EXOC4: variants seen among roughly 807,000 people sequenced by gnomAD.
EXOC4 encodes SEC8-like 1.
A neutral mutation model predicts 107.2 loss-of-function variants in EXOC4; 71 were observed. The observed-to-expected ratio is 0.66, with a 90% CI of 0.55 to 0.81. EXOC4 has a LOEUF of 0.81. Among genes scored for constraint, EXOC4 ranks in the 30% least tolerant of loss-of-function variants. EXOC4 has a pLI of 0.00. For missense variants in EXOC4, 1,108 were observed against 1,189.6 expected (o/e 0.93, Z 1.01); for synonymous variants, 456 against 441.2 (o/e 1.03, Z -0.42).
At chr7:133,640,400 A>G (rs776548254) in intron 10 of EXOC4, among the ~76,000 whole-genome samples, 13 of 152,192 alleles carry the variant, frequency 8.5e-5, no homozygotes, top group Non-Finnish European at 1.9e-4. Flanking sequence ...TCAGTATACT[A>G]CTGAAATGAG....
At chr7:133,841,747 A>G (rs1467907696) in intron 11 of EXOC4, among the ~76,000 whole-genome samples, 2 of 152,148 alleles carry the variant, frequency 1.3e-5, no homozygotes, top group Non-Finnish European at 2.9e-5. Flanking sequence ...TGATATACAG[A>G]TTATTTCATC....
chr7:133,421,493 G>T (rs1376557180), intron 7 of EXOC4, among the ~76,000 whole-genome samples: 1 of 152,198 alleles, frequency 6.6e-6, no homozygotes, highest in Non-Finnish European at 1.5e-5. Context: ...AGCAGAGAAT[G>T]TTCCTTGCAG....
intron 6 of EXOC4, among the ~76,000 whole-genome samples, chr7:133,365,997 T>C (rs1368613473): frequency 6.6e-6 from 1 of 152,212 alleles, no homozygotes; most frequent in Non-Finnish European, 1.5e-5. Context: ...GATATTAAAG[T>C]CTCAGCAGAC....
intron 14 of EXOC4, among the ~76,000 whole-genome samples, chr7:133,980,425 C>A (rs1286462630): frequency 6.6e-6 from 1 of 152,208 alleles, no homozygotes; most frequent in African/African-American, 2.4e-5. Flanking sequence ...ATCATTGAAT[C>A]CTTACAATGA....
At chr7:133,679,783 G>A (rs975604101) in intron 10 of EXOC4, among the ~76,000 whole-genome samples, 3 of 152,198 alleles carry the variant, frequency 2.0e-5, no homozygotes, top group African/African-American at 7.2e-5. Flanking sequence ...GCAGAACACT[G>A]TAGAATGTTA....
At chr7:133,381,424 G>T (rs939216594) in intron 7 of EXOC4, among the ~76,000 whole-genome samples, 1 of 152,146 alleles carries the variant, frequency 6.6e-6, no homozygotes, top group African/African-American at 2.4e-5. Flanking sequence ...GATTGATGAT[G>T]AGTTGATCCT....
At chr7:134,085,816 G>A in the EXOC4 span, among the ~76,000 whole-genome samples, 337 of 152,292 alleles carry the variant, frequency 2.2e-3, 2 homozygotes, top group Middle Eastern at 0.017. Context: ...GCAAATGGGA[G>A]CCTGGCAAAA....
At chr7:133,730,644 T>G (rs1010021003) in intron 10 of EXOC4, among the ~76,000 whole-genome samples, 5 of 152,184 alleles carry the variant, frequency 3.3e-5, no homozygotes, top group Non-Finnish European at 5.9e-5. Context: ...CCTTCCTTCC[T>G]CTATTACTTG....
intron 14 of EXOC4, among the ~76,000 whole-genome samples, chr7:133,941,870 G>A (rs1341632037): frequency 1.0e-5 from 1 of 99,748 alleles, no homozygotes; most frequent in African/African-American, 3.2e-5. Context: ...GTTTCTACAT[G>A]TTTTCCTGCA....
intron 9 of EXOC4, among the ~76,000 whole-genome samples, chr7:133,612,046 G>T (rs1045651791): frequency 1.3e-5 from 2 of 152,026 alleles, no homozygotes. Context: ...TGAATGTTTG[G>T]TGCTTCCCTA....
chr7:134,095,385 G>A, the EXOC4 span, among the ~76,000 whole-genome samples: 1 of 152,046 alleles, frequency 6.6e-6, no homozygotes, highest in Non-Finnish European at 1.5e-5. Flanking sequence ...TATTAAAATG[G>A]CCATACTTTC....
At chr7:133,997,359 T>C in intron 14 of EXOC4, 133 bp from the exon 15 acceptor site, 1 of 855,926 alleles carries the variant, frequency 1.2e-6, no homozygotes, top group East Asian at 2.6e-5. Flanking sequence ...TATCATGTCT[T>C]GGACTTCTAA....
intron 6 of EXOC4, among the ~76,000 whole-genome samples, chr7:133,363,445 A>G (rs191247177): frequency 2.6e-5 from 4 of 152,198 alleles, no homozygotes; most frequent in South Asian, 4.1e-4. Context: ...AGAAATGTCA[A>G]TAATGTTCAT....
intron 10 of EXOC4, among the ~76,000 whole-genome samples, chr7:133,793,309 C>A (rs1796743813): frequency 6.6e-6 from 1 of 152,032 alleles, no homozygotes. Flanking sequence ...TGGGGGGCTA[C>A]AGCTACATTT....
At chr7:133,596,263 G>A (rs528470370) in intron 9 of EXOC4, among the ~76,000 whole-genome samples, 10 of 152,234 alleles carry the variant, frequency 6.6e-5, no homozygotes, top group South Asian at 2.1e-4. Context: ...TTGAGAATTT[G>A]TGTGATTTCT....
At chr7:133,593,851 G>T (rs377733424) in intron 9 of EXOC4, among the ~76,000 whole-genome samples, 1 of 152,062 alleles carries the variant, frequency 6.6e-6, no homozygotes, top group East Asian at 1.9e-4. Context: ...GACCAGTTTT[G>T]TGTTTTATTC....
At chr7:134,076,372 G>T in the EXOC4 span, among the ~76,000 whole-genome samples, 1 of 152,126 alleles carries the variant, frequency 6.6e-6, no homozygotes, top group Admixed American at 6.6e-5. Flanking sequence ...AGAAAAATTA[G>T]CTGGGCGTGG....
At chr7:133,540,115 T>A (rs891287132) in intron 9 of EXOC4, among the ~76,000 whole-genome samples, 5 of 152,208 alleles carry the variant, frequency 3.3e-5, no homozygotes, top group African/African-American at 1.2e-4. Context: ...AGGCACTAGA[T>A]AAACATAAGG....
intron 9 of EXOC4, among the ~76,000 whole-genome samples, chr7:133,556,359 GTCT>G (rs762217936): frequency 2.0e-5 from 3 of 152,030 alleles, no homozygotes; most frequent in Non-Finnish European, 2.9e-5. Flanking sequence ...CTAGAGTTAA[GTCT>G]TCTTCTTTTG....
Sources: allele counts gnomAD v4.1 joint callset (sites outside exome capture counted in the v4.1 genomes callset), GRCh38; gene constraint gnomAD v4.1.1; transcripts MANE v1.5; gene names NCBI Gene and HGNC (gene_info 2026-07-23, HGNC 2026-07-21).